Variants in CPS1 observed in about 807,000 individuals in gnomAD.
CPS1 encodes carbamoyl-phosphate synthase 1.
In CPS1, 109 loss-of-function variants were observed where a neutral mutation model predicts 174.6. The ratio of observed to expected loss-of-function variants is 0.62; its 90% CI spans 0.53 to 0.73. CPS1 has a LOEUF of 0.73. Among genes scored for constraint, CPS1 ranks in the 30% least tolerant of loss-of-function variants. The pLI, the probability that CPS1 is intolerant of heterozygous loss-of-function variation, is 0.00. For synonymous variants in CPS1, 637 were observed against 632.0 expected, an observed-to-expected ratio of 1.01 and a Z score of -0.12; for missense variants, 1,689 against 1,821.9, an observed-to-expected ratio of 0.93 and a Z score of 1.33.
At chr2:210,598,543 A>G (rs1028795493) in intron 13 of CPS1, among the ~76,000 whole-genome samples, 1 of 151,586 alleles carries the variant, frequency 6.6e-6, no homozygotes, top group Non-Finnish European at 1.5e-5. Context: ...GAAAACAGAA[A>G]AAAAAAGGGG....
intron 1 of CPS1, among the ~76,000 whole-genome samples, chr2:210,520,484 C>A (rs1164603704): frequency 6.6e-6 from 1 of 151,950 alleles, no homozygotes; most frequent in African/African-American, 2.4e-5. Flanking sequence ...TCACGATGGG[C>A]CCCAGTGTGT....
At chr2:210,643,102 C>A (rs1001034842) in intron 25 of CPS1, among the ~76,000 whole-genome samples, 3 of 152,122 alleles carry the variant, frequency 2.0e-5, no homozygotes, top group Non-Finnish European at 4.4e-5. Context: ...TGAAAATAGT[C>A]AATTGCTCAC....
At chr2:210,550,559 A>C (rs1426621985) in intron 1 of CPS1, among the ~76,000 whole-genome samples, 1 of 151,996 alleles carries the variant, frequency 6.6e-6, no homozygotes, top group African/African-American at 2.4e-5. Flanking sequence ...AGGAAGGCAT[A>C]CCAATGCCTA....
intron 1 of CPS1, among the ~76,000 whole-genome samples, chr2:210,568,827 G>T (rs907376803): frequency 6.6e-5 from 10 of 152,068 alleles, no homozygotes; most frequent in African/African-American, 2.4e-4. Context: ...AATAAAACAA[G>T]TGAATTAAGA....
At chr2:210,634,844 GTTTCCCA>G (rs1484882643) in intron 21 of CPS1, among the ~76,000 whole-genome samples, 1 of 152,188 alleles carries the variant, frequency 6.6e-6, no homozygotes, top group Non-Finnish European at 1.5e-5. Context: ...TCCTCAGTAT[GTTTCCCA>G]TACGTGCCAT....
intron 2 of CPS1, 46 bp from the exon 3 acceptor site, chr2:210,576,300 A>C: frequency 6.3e-7 from 1 of 1,596,170 alleles, no homozygotes; most frequent in Middle Eastern, 1.7e-4. Context: ...ATAGCTTTGT[A>C]GTTACATACA....
intron 25 of CPS1, 29 bp downstream of exon 25, chr2:210,642,694 A>C: frequency 6.3e-7 from 1 of 1,598,154 alleles, no homozygotes; most frequent in Non-Finnish European, 8.6e-7. Context: ...AAAAAAAAGA[A>C]AAAAGAAGAC....
chr2:210,677,950 C>T lies in CPS1; in HGVS notation c.4468C>T (p.His1490Tyr), dbSNP rs1393116118. ...SRKVDSKSLF[H>Y]YRQYSAGKAA ...CAAGGTGGACTCCAAGAGTCTTTTC[C>T]ACTACAGGCAGTACAGTGCTGGAAA... Residue 1490 changes from histidine (H) to tyrosine (Y), a missense_variant, in exon 38 of 38, where the codon CAC (histidine) becomes TAC (tyrosine). Coordinates refer to ENST00000233072, the MANE Select transcript of CPS1 (RefSeq NM_001875.5). 2.7e-5 allele frequency: 44 copies of T among 1,613,948 alleles called. No individual in the cohort carries two copies. The highest frequency in any genetic ancestry group is 3.7e-5 in the Non-Finnish European group (44 of 1,179,952).
intron 29 of CPS1, 34 bp from the exon 30 acceptor site, chr2:210,656,489 CTT>C: frequency 6.5e-7 from 1 of 1,537,908 alleles, no homozygotes; most frequent in Non-Finnish European, 8.9e-7. Flanking sequence ...TACCTGAAAA[CTT>C]TTTCTAAAAT....
intron 1 of CPS1, among the ~76,000 whole-genome samples, chr2:210,513,936 A>C (rs898465075): frequency 1.3e-5 from 2 of 152,068 alleles, no homozygotes; most frequent in Non-Finnish European, 2.9e-5. Flanking sequence ...CAATTTATTG[A>C]ATAGGAAGTT....
In CPS1 at chr2:210,612,245, A is replaced by T; in HGVS notation, c.2520A>T (p.Arg840Ser). The T allele has an allele frequency of 6.2e-7, 1 of 1,612,204 alleles. No individual in the cohort carries two copies. The highest frequency in any genetic ancestry group is 8.5e-7 in the Non-Finnish European group (1 of 1,178,832). The change falls in exon 20 of 38, where the codon AGA becomes AGT. Residue 840 changes from arginine (R) to serine (S), a missense_variant. Physicochemically the swap from Arg to Ser is moderately radical, Grantham distance 110 (BLOSUM62 -1). Coordinates refer to ENST00000233072, the MANE Select transcript of CPS1 (RefSeq NM_001875.5). Reference protein sequence around the residue: ...NKEWPSNLDLRKELSEPSSTR... With the variant: ...NKEWPSNLDLSKELSEPSSTR... ...AATGGCCATCTAATTTAGATCTTAG[A>T]AAAGAGTTGTCTGAACCAAGCAGCA...
chr2:210,578,581 G>C (rs893947879), intron 4 of CPS1, among the ~76,000 whole-genome samples: 9 of 152,062 alleles, frequency 5.9e-5, no homozygotes, highest in African/African-American at 2.2e-4. Flanking sequence ...CGAAAGTGCT[G>C]CCTCTCCAAT....
intron 1 of CPS1, among the ~76,000 whole-genome samples, chr2:210,523,791 T>C (rs1574491000): frequency 6.6e-6 from 1 of 152,092 alleles, no homozygotes; most frequent in East Asian, 1.9e-4. Context: ...CTGCAGTGGG[T>C]GTGCCTGAAG....
intron 1 of CPS1, among the ~76,000 whole-genome samples, chr2:210,519,956 T>C (rs1396948947): frequency 6.6e-6 from 1 of 152,004 alleles, no homozygotes; most frequent in Non-Finnish European, 1.5e-5. Context: ...GTCATGTTCC[T>C]GGAAACACAT....
At chr2:210,583,490 A>G (rs150261939) in intron 6 of CPS1, among the ~76,000 whole-genome samples, 1 of 152,250 alleles carries the variant, frequency 6.6e-6, no homozygotes, top group South Asian at 2.1e-4. Flanking sequence ...TAGGTGGATC[A>G]GAGAAGGCCC....
intron 11 of CPS1, 22 bp from the exon 12 acceptor site, chr2:210,594,486 A>T: frequency 6.6e-7 from 1 of 1,526,702 alleles, no homozygotes; most frequent in Non-Finnish European, 9.1e-7. Context: ...GCTTCTAACT[A>T]GTTGGTTGTA....
At chr2:210,620,426 G>T (rs1699471453) in intron 21 of CPS1, among the ~76,000 whole-genome samples, 1 of 152,006 alleles carries the variant, frequency 6.6e-6, no homozygotes, top group Admixed American at 6.6e-5. Context: ...CTTTCTGCAG[G>T]GTGATGAGAC....
intron 1 of CPS1, among the ~76,000 whole-genome samples, chr2:210,486,097 TATATATACACACACAC>T (rs1482715476): frequency 3.1e-5 from 4 of 128,006 alleles, no homozygotes; most frequent in African/African-American, 1.2e-4. Flanking sequence ...TATATACATA[TATATATACACACACAC>T]ATACACACAC....
At chr2:210,669,677 T>C (rs972599880) in intron 34 of CPS1, among the ~76,000 whole-genome samples, 3 of 152,136 alleles carry the variant, frequency 2.0e-5, no homozygotes, top group Non-Finnish European at 2.9e-5. Flanking sequence ...TGACTTGCAA[T>C]TGTGAAGCTT....
Sources: gnomAD v4.1 joint callset for allele counts (sites outside exome capture counted in the v4.1 genomes callset) on GRCh38, gnomAD v4.1.1 for gene constraint, MANE v1.5 for transcripts, NCBI Gene and HGNC (gene_info 2026-07-23, HGNC 2026-07-21) for gene names.